FAHD2A: variants seen among roughly 807,000 people sequenced by gnomAD.
The protein encoded by FAHD2A is oxaloacetate tautomerase FAHD2A, mitochondrial.
Under a neutral mutation model 33.4 loss-of-function variants are expected in FAHD2A, and 27 were observed. The ratio of observed to expected loss-of-function variants is 0.81; its 90% confidence interval spans 0.60 to 1.11. FAHD2A has a LOEUF of 1.11. Among genes scored for constraint, FAHD2A ranks in the 50% most tolerant of loss-of-function variants. The probability of loss-of-function intolerance (pLI) is 0.00; values close to 1 mark genes in which losing one functional copy is unlikely to be tolerated. For synonymous variants in FAHD2A, 130 were observed against 153.3 expected (o/e 0.85, Z 1.12); for missense variants, 296 against 395.0 (o/e 0.75, Z 2.12).
Position 95,413,039 on chromosome 2 carries a change from T to G in FAHD2A, c.*82T>G, listed in dbSNP as rs1203850270. 115 of 1,517,678 alleles carry G rather than the reference T, an allele frequency of 7.6e-5. No homozygotes were observed. Among genetic ancestry groups the G allele is most frequent in the Non-Finnish European group, 9.8e-5 (109 of 1,112,640 alleles). The allele number at this position is 1,517,678 out of a possible 1,614,324, so 94.0% of individuals were successfully genotyped here. ...GCCCAGGGAAAGGCCCAGTGACAGG[T>G]GTGGACAGGTGCCAGCCCTGCAAGC... On this transcript the variant is annotated 3_prime_UTR_variant, in exon 8 of 8. Coordinates refer to ENST00000233379, the MANE Select transcript of FAHD2A (RefSeq NM_016044.3).
At chr2:95,408,163 C>A (rs1348422782) in intron 3 of FAHD2A, among the ~76,000 whole-genome samples, 1 of 150,128 alleles carries the variant, frequency 6.7e-6, no homozygotes, top group Non-Finnish European at 1.5e-5. Context: ...AGGACAATGG[C>A]TTGCATGACC....
chr2:95,406,572 G>A (rs1453200844), intron 2 of FAHD2A, among the ~76,000 whole-genome samples: 2 of 152,054 alleles, frequency 1.3e-5, no homozygotes, highest in Non-Finnish European at 2.9e-5. Flanking sequence ...TTTAAAAGAT[G>A]TAAATAGTAT....
intron 1 of FAHD2A, chr2:95,405,265 C>T (rs1447890658): frequency 8.2e-6 from 3 of 363,948 alleles, no homozygotes; most frequent in Non-Finnish European, 1.5e-5. Flanking sequence ...ATTGTTTCCC[C>T]AATACCTACA....
At chr2:95,403,571 T>A (rs573029442) in intron 1 of FAHD2A, among the ~76,000 whole-genome samples, 60 of 152,314 alleles carry the variant, frequency 3.9e-4, no homozygotes, top group African/African-American at 1.3e-3. Context: ...AGGTCCCCAC[T>A]TCTCACCACA....
chr2:95,413,158 T>C lies in FAHD2A; in HGVS notation c.*201T>C. On this transcript the variant is annotated 3_prime_UTR_variant, in exon 8 of 8. Coordinates refer to ENST00000233379, the MANE Select transcript of FAHD2A (RefSeq NM_016044.3). The stretch of plus-strand genomic sequence containing the variant: ...CTTTGCTTCTGCTGTTTGTCTTCTT[T>C]TGGGCTTTGTTTCATGGGACAAGTT... The C allele has an allele frequency of 9.3e-7, 1 of 1,075,052 alleles. No individual in the cohort carries two copies. The highest frequency in any genetic ancestry group is 1.3e-6 in the Non-Finnish European group (1 of 757,224). 66.6% of individuals were successfully genotyped at this position (1,075,052 alleles called of 1,614,324 possible).
At position 95,416,584 on chromosome 2, in the gene FAHD2A, TAAAAG is replaced by T. The variant is rs772308011; in HGVS notation, c.*3632_*3636del. The T allele has an allele frequency of 3.9e-5, 6 of 152,186 alleles. No individual in the cohort carries two copies. Among genetic ancestry groups the T allele is most frequent in the Admixed American group, 2.0e-4 (3 of 15,282 alleles). 9.4% of individuals were successfully genotyped at this position (152,186 alleles called of 1,614,324 possible). A position where few individuals can be genotyped will look rare whatever the true frequency, so the allele number is the denominator to read the frequency against. ...TCCCAACCCCACACATATTCACAAA[TAAAAG>T]AAAATAACAAATGACATGAATTCTT... On this transcript the variant is annotated 3_prime_UTR_variant, in exon 8 of 8. Coordinates refer to ENST00000233379, the MANE Select transcript of FAHD2A (RefSeq NM_016044.3).
At chr2:95,404,167 G>T (rs1176451870) in intron 1 of FAHD2A, among the ~76,000 whole-genome samples, 1 of 152,206 alleles carries the variant, frequency 6.6e-6, no homozygotes, top group East Asian at 1.9e-4. Context: ...GTAAGAGCAA[G>T]GAACCATTCA....
At chr2:95,405,479 C>T in intron 1 of FAHD2A, 74 bp from the exon 2 acceptor site, 2 of 1,545,254 alleles carry the variant, frequency 1.3e-6, no homozygotes, top group South Asian at 2.5e-5. Context: ...CGGGCTATAG[C>T]CCTAGGAATT....
chr2:95,410,765 G>T, intron 4 of FAHD2A, 99 bp from the exon 5 acceptor site: 2 of 1,572,500 alleles, frequency 1.3e-6, no homozygotes, highest in South Asian at 2.4e-5. Context: ...GCTGGCTCTG[G>T]CTACTAACAT....
chr2:95,410,404 C>T (rs2104368153), intron 3 of FAHD2A, 123 bp from the exon 4 acceptor site: 7 of 1,306,448 alleles, frequency 5.4e-6, no homozygotes, highest in Non-Finnish European at 7.4e-6. Flanking sequence ...TGATGGCAAA[C>T]ATGGGATGGC....
Position 95,414,104 on chromosome 2 carries a change from A to G in FAHD2A, c.*1147A>G, listed in dbSNP as rs1682924159. ...TCTCTCCTCTTGTTTAAAGAAGCCC[A>G]GGGAGGGATAGATCTCCGACTGGAC... On this transcript the variant is annotated 3_prime_UTR_variant, in exon 8 of 8. Coordinates refer to ENST00000233379, the MANE Select transcript of FAHD2A (RefSeq NM_016044.3). The G allele has an allele frequency of 5.5e-6, 8 of 1,449,352 alleles. No individual in the cohort carries two copies. In the African/African-American group the frequency reaches 5.6e-5, roughly 10 times the overall value. 89.8% of individuals were successfully genotyped at this position (1,449,352 alleles called of 1,614,324 possible). A position where few individuals can be genotyped will look rare whatever the true frequency, so the allele number is the denominator to read the frequency against.
At chr2:95,407,886 T>G (rs1331619668) in intron 3 of FAHD2A, among the ~76,000 whole-genome samples, 3 of 152,212 alleles carry the variant, frequency 2.0e-5, no homozygotes, top group Non-Finnish European at 4.4e-5. Context: ...AGATTTTTAT[T>G]TTAGAAATGT....
intron 5 of FAHD2A, 49 bp from the exon 6 acceptor site, chr2:95,412,385 G>C (rs759679083): frequency 8.1e-6 from 13 of 1,610,056 alleles, no homozygotes; most frequent in East Asian, 2.2e-5. Flanking sequence ...ATATTGGGGG[G>C]TTTGAGGGGG....
Position 95,415,609 on chromosome 2 carries a change from C to T in FAHD2A, c.*2652C>T, listed in dbSNP as rs1405013163. ...CCTGTCAGGCAGGCGGCAACACTCT[C>T]CATGTATCACTCGCCAGCCGTGCAG... On this transcript the variant is annotated 3_prime_UTR_variant, in exon 8 of 8. Transcript: ENST00000233379. 9 of 152,750 alleles carry T rather than the reference C, an allele frequency of 5.9e-5. No homozygotes were observed. Among genetic ancestry groups the T allele is most frequent in the Non-Finnish European group, 8.8e-5 (6 of 68,042 alleles). The allele number at this position is 152,750 out of a possible 1,614,324, so 9.5% of individuals were successfully genotyped here.
chr2:95,410,454 G>T, intron 3 of FAHD2A, 73 bp from the exon 4 acceptor site: 1 of 1,550,644 alleles, frequency 6.4e-7, no homozygotes, highest in East Asian at 2.4e-5. Context: ...CCTTCAGCAT[G>T]GTGTGCAGCC....
intron 1 of FAHD2A, among the ~76,000 whole-genome samples, chr2:95,403,144 A>G (rs1363922698): frequency 1.3e-5 from 2 of 152,132 alleles, no homozygotes; most frequent in Non-Finnish European, 2.9e-5. Context: ...TTTCCACCTC[A>G]TGTCGCCGCC....
chr2:95,413,194 G>C lies in FAHD2A; in HGVS notation c.*237G>C. 1 of 1,050,526 alleles carries C rather than the reference G, an allele frequency of 9.5e-7. No homozygotes were observed. The highest frequency in any genetic ancestry group is 1.4e-6 in the Non-Finnish European group (1 of 736,158). The allele number at this position is 1,050,526 out of a possible 1,614,324, so 65.1% of individuals were successfully genotyped here. A position where few individuals can be genotyped will look rare whatever the true frequency, so the allele number is the denominator to read the frequency against. ...TTCATGGGACAAGTTGGGGCATTTT[G>C]TGGGACTGGGGAAGAAGAGAGCAAA... On this transcript the variant is annotated 3_prime_UTR_variant, in exon 8 of 8. Transcript: ENST00000233379.
rs1244283681 is a variant in FAHD2A at position 95,412,664 on chromosome 2, T to A, written c.795-13T>A. 6.2e-7 allele frequency: 1 copy of A among 1,613,976 alleles called. No homozygotes were observed. ...AGCCCCTGGTCTCACCGGGTCCTTC[T>A]GCTTTGATCCAGGTTTGTTACCTTT... On this transcript the variant is annotated splice_polypyrimidine_tract_variant and intron_variant, in intron 6 of 7. Transcript: ENST00000233379.
At chr2:95,404,831 C>T (rs1285892252) in intron 1 of FAHD2A, among the ~76,000 whole-genome samples, 4 of 152,170 alleles carry the variant, frequency 2.6e-5, no homozygotes, top group African/African-American at 9.7e-5. Flanking sequence ...TGTCTGCAGC[C>T]TCTTCCCTCA....
Sources: gnomAD v4.1 joint callset for allele counts (sites outside exome capture counted in the v4.1 genomes callset) on GRCh38, gnomAD v4.1.1 for gene constraint, MANE v1.5 for transcripts, NCBI Gene and HGNC (gene_info 2026-07-23, HGNC 2026-07-21) for gene names.